The following MYH8 variants were observed in gnomAD, a reference collection of about 807,000 sequenced individuals.
The protein encoded by MYH8 is myosin heavy chain 8.
In MYH8, 168 loss-of-function variants were observed where a neutral mutation model predicts 233.2. That is an observed-to-expected ratio of 0.72 (90% CI 0.64 to 0.82). The LOEUF (loss-of-function observed/expected upper bound fraction) is 0.82. MYH8 is among the 40% of genes least tolerant of loss of function. MYH8 has a pLI of 0.00. For missense variants in MYH8, 1,995 were observed against 2,327.8 expected, an observed-to-expected ratio of 0.86 and a Z score of 2.94; for synonymous variants, 785 against 850.6, an observed-to-expected ratio of 0.92 and a Z score of 1.34.
rs190414832 is a variant in MYH8, at chr17:10,417,328, G to C, written c.511+1317C>G. ...TAAATCTGGATGTTATTTAGATGTAGATATAGACATAGACTTTAGAAAACT... is the reference window on the plus strand; with the variant it reads ...TAAATCTGGATGTTATTTAGATGTACATATAGACATAGACTTTAGAAAACT... On this transcript the variant is annotated intron_variant, in intron 5 of 39. Transcript: ENST00000403437. The surrounding 1 kb of genome is among the most constrained non-coding windows in gnomAD (Gnocchi z 4.1). Among the ~76,000 whole-genome samples the C allele has an allele frequency of 2.9e-4, 44 of 152,298 alleles. No individual in the cohort carries two copies. The highest frequency in any genetic ancestry group is 9.9e-4 in the African/African-American group (41 of 41,560).
At position 10,398,790 on chromosome 17, in the gene MYH8, T is replaced by C. The variant is rs1352458408; in HGVS notation, c.3959A>G (p.His1320Arg). ...CACTTTAGTTTCTTCCTCTAGTTGA[T>C]GTTTCAGCTCTTCAATCTGCTGAGT... ...ASTQQIEELK[H>R]QLEEETKAKN... Residue 1320 changes from histidine to arginine, a missense_variant, in exon 29 of 40, where the codon CAT (histidine) becomes CGT (arginine). His to Arg is a conservative substitution (Grantham distance 29). Coordinates refer to ENST00000403437, the MANE Select transcript of MYH8 (RefSeq NM_002472.3). 6.2e-7 allele frequency: 1 copy of C among 1,614,112 alleles called. No individual in the cohort carries two copies. The highest frequency in any genetic ancestry group is 8.5e-7 in the Non-Finnish European group (1 of 1,180,004).
chr17:10,414,772 G>T (rs534440686), intron 9 of MYH8, among the ~76,000 whole-genome samples: 2 of 152,266 alleles, frequency 1.3e-5, no homozygotes, highest in Admixed American at 6.5e-5. Context: ...TTCACTCTGG[G>T]TGGTGAGGGC....
At chr17:10,408,432 G>A (rs528505861) in intron 17 of MYH8, among the ~76,000 whole-genome samples, 16 of 152,130 alleles carry the variant, frequency 1.1e-4, no homozygotes, top group South Asian at 6.2e-4. Context: ...ATCATAGGTC[G>A]TATGTCGTGT....
Position 10,415,267 on chromosome 17 carries a change from T to C in MYH8, c.741+25A>G. 1 of 1,609,864 alleles carries C rather than the reference T, an allele frequency of 6.2e-7. No homozygotes were observed. Among genetic ancestry groups the C allele is most frequent in the Non-Finnish European group, 8.5e-7 (1 of 1,176,134 alleles). The stretch of plus-strand genomic sequence containing the variant: ...ATTCAGACGTGGCTACTCTGGAAGT[T>C]AGGGGTTGAGACCAAGAGACTCACA... On this transcript the variant is annotated intron_variant, in intron 8 of 39. Coordinates refer to ENST00000403437, the MANE Select transcript of MYH8 (RefSeq NM_002472.3). The surrounding 1 kb of genome is among the most constrained non-coding windows in gnomAD (Gnocchi z 4.1).
chr17:10,419,116 G>T lies in MYH8; in HGVS notation c.211-86C>A. On this transcript the variant is annotated intron_variant, in intron 3 of 39. Transcript: ENST00000403437. The surrounding 1 kb of genome is among the most constrained non-coding windows in gnomAD (Gnocchi z 4.0). ...TTTTTTGCCCAGGCTGGAGTGCAGT[G>T]GCGCGATCTCAGCTCACTGCAACCT... 6.6e-7 allele frequency: 1 copy of T among 1,506,388 alleles called. No homozygotes were observed. Among genetic ancestry groups the T allele is most frequent in the Non-Finnish European group, 9.2e-7 (1 of 1,092,756 alleles). The allele number at this position is 1,506,388 out of a possible 1,614,324, so 93.3% of individuals were successfully genotyped here.
intron 21 of MYH8, among the ~76,000 whole-genome samples, chr17:10,405,751 G>A (rs2072186824): frequency 6.6e-6 from 1 of 152,200 alleles, no homozygotes; most frequent in Admixed American, 6.5e-5. Context: ...TGATAGATGA[G>A]GTGGGGAATA....
At chr17:10,403,012 TG>T (rs1283123118) in intron 22 of MYH8, among the ~76,000 whole-genome samples, 4 of 152,188 alleles carry the variant, frequency 2.6e-5, no homozygotes, top group African/African-American at 9.7e-5. Flanking sequence ...TTTGTGTTTT[TG>T]TTTGCTTTTG....
intron 22 of MYH8, 123 bp downstream of exon 22, chr17:10,404,207 T>G: frequency 2.6e-6 from 3 of 1,162,802 alleles, no homozygotes; most frequent in Non-Finnish European, 3.7e-6. Context: ...AAAAGATAAA[T>G]GAGGTATTAA....
In MYH8 at chr17:10,412,458, A is replaced by T; in HGVS notation, c.1328T>A (p.Val443Asp). The stretch of plus-strand genomic sequence containing the variant: ...GTCCAGCTGCTGGTTGATGCGGGTG[A>T]CCATCCACAGGAACATCTTCTCGTA... The part of the protein sequence containing the change: ...AVYEKMFLWM[V>D]TRINQQLDTK... Residue 443 changes from valine (V) to aspartate (D), a missense_variant, in exon 14 of 40, where the codon GTC becomes GAC. This residue lies in a region of MYH8 where 479 missense variants were observed against 600.9 expected (regional missense o/e 0.80). Transcript: ENST00000403437. The T allele has an allele frequency of 6.2e-7, 1 of 1,614,242 alleles. No individual in the cohort carries two copies. The highest frequency in any genetic ancestry group is 8.5e-7 in the Non-Finnish European group (1 of 1,180,046).
In MYH8 at chr17:10,404,718, G is replaced by A. The variant is rs894087129; in HGVS notation, c.2433-133C>T. ...ATGTCACATTCTCTATATATTATAT[G>A]CAGGCTTTACACACACACACACACA... On this transcript the variant is annotated intron_variant, in intron 21 of 39. Coordinates refer to ENST00000403437, the MANE Select transcript of MYH8 (RefSeq NM_002472.3). The A allele has an allele frequency of 2.9e-5, 31 of 1,065,494 alleles. No individual in the cohort carries two copies. In the Admixed American group the frequency reaches 4.3e-4, roughly 15 times the overall value. 66.0% of individuals were successfully genotyped at this position (1,065,494 alleles called of 1,614,324 possible).
At chr17:10,412,311 T>C (rs936073365) in intron 14 of MYH8, 59 bp downstream of exon 14, 1 of 1,613,804 alleles carries the variant, frequency 6.2e-7, no homozygotes, top group African/African-American at 1.3e-5. Flanking sequence ...ATAATGATAA[T>C]ACCTAATATA....
chr17:10,391,531 C>A (rs1481271257), intron 39 of MYH8, among the ~76,000 whole-genome samples: 1 of 151,946 alleles, frequency 6.6e-6, no homozygotes, highest in South Asian at 2.1e-4. Context: ...AATACAAAAA[C>A]CAGCCAGGTG....
chr17:10,418,583 T>G (rs1597405991), intron 5 of MYH8, 62 bp downstream of exon 5: 1 of 1,611,624 alleles, frequency 6.2e-7, no homozygotes. Context: ...TCGGAAGAGG[T>G]CTGTCTGTTC....
At chr17:10,406,625 G>T in intron 19 of MYH8, 65 bp downstream of exon 19, 3 of 1,461,726 alleles carry the variant, frequency 2.1e-6, no homozygotes, top group South Asian at 1.1e-5. Flanking sequence ...TATATTATTC[G>T]ACTTCTTAAT....
At position 10,419,556 on chromosome 17, in the gene MYH8, T is replaced by G. The variant is rs2072318482; in HGVS notation, c.210+462A>C. 6.6e-6 allele frequency among the ~76,000 whole-genome samples: 1 copy of G among 152,194 alleles called. No homozygotes were observed. The highest frequency in any genetic ancestry group is 2.1e-4 in the South Asian group (1 of 4,830). ...CTAGGACACTATCTTTTTAAAAGAT[T>G]TTTTCCTCCCACATTCTCTTATCCC... On this transcript the variant is annotated intron_variant, in intron 3 of 39. Transcript: ENST00000403437. The surrounding 1 kb of genome is among the most constrained non-coding windows in gnomAD (Gnocchi z 4.0).
rs1449149762 is a variant in MYH8, at chr17:10,420,123, A to G, written c.105T>C (p.Asp35=). Residue 35 remains aspartate (D), a synonymous_variant, in exon 3 of 40, where the codon GAT becomes GAC. Coordinates refer to ENST00000403437, the MANE Select transcript of MYH8 (RefSeq NM_002472.3). ...CCGCCACAAAGACAGATGTTTTAGC[A>G]TCAAACGGCTTGTTTTGGGCCTCAA... ...ERIEAQNKPF[D]AKTSVFVAEP... 1.2e-6 allele frequency: 2 copies of G among 1,614,244 alleles called. No individual in the cohort carries two copies. The highest frequency in any genetic ancestry group is 1.1e-5 in the South Asian group (1 of 91,080).
Position 10,409,471 on chromosome 17 carries a change from G to C in MYH8, c.1705C>G (p.Pro569Ala), listed in dbSNP as rs747734458. Residue 569 changes from proline (P) to alanine (A), a missense_variant, in exon 16 of 40, where the codon CCC (proline) becomes GCC (alanine). Physicochemically the swap from Pro to Ala is conservative, Grantham distance 27. This residue lies in a region of MYH8 where 1,498 missense variants were observed against 1,680.9 expected (regional missense o/e 0.89). Transcript: ENST00000403437. The part of the protein sequence containing the change: ...HLGKSANFQK[P>A]KVVKGKAEAH... The stretch of plus-strand genomic sequence containing the variant: ...TCAGCCTTGCCTTTGACCACCTTGG[G>C]CTTCTGGAAGTTGGCAGACTTGCCC... The C allele has an allele frequency of 1.2e-6, 2 of 1,614,186 alleles. No homozygotes were observed. Among genetic ancestry groups the C allele is most frequent in the Admixed American group, 3.3e-5 (2 of 60,024 alleles).
chr17:10,404,491 G>C lies in MYH8; in HGVS notation c.2527C>G (p.Leu843Val). The C allele has an allele frequency of 6.2e-7, 1 of 1,613,982 alleles. No homozygotes were observed. ...MKLFFKIKPL[L>V]KSAETEKEMA... The stretch of plus-strand genomic sequence containing the variant: ...TCTTTCTCGGTCTCTGCACTCTTGA[G>C]GAGGGGCTTAATCTTGAAAAAGAGT... Residue 843 changes from leucine to valine, a missense_variant, in exon 22 of 40, where the codon CTC becomes GTC. This residue lies in a region of MYH8 where 1,498 missense variants were observed against 1,680.9 expected (regional missense o/e 0.89). Transcript: ENST00000403437.
Position 10,400,230 on chromosome 17 carries a change from C to G in MYH8, c.3735+160G>C, listed in dbSNP as rs905970629. 1.3e-5 allele frequency among the ~76,000 whole-genome samples: 2 copies of G among 151,984 alleles called. No homozygotes were observed. The highest frequency in any genetic ancestry group is 2.9e-5 in the Non-Finnish European group (2 of 67,988). ...CGCTCCAAAAAAAAATCATCTTAAT[C>G]GATCATAACCAGCATTTTAAAAAAT... On this transcript the variant is annotated intron_variant, in intron 27 of 39. Transcript: ENST00000403437. The surrounding 1 kb of genome is among the most constrained non-coding windows in gnomAD (Gnocchi z 4.0).
Sources: allele counts gnomAD v4.1 joint callset (sites outside exome capture counted in the v4.1 genomes callset), GRCh38; gene constraint gnomAD v4.1.1; regional missense constraint gnomAD v4.1.1; non-coding constraint Gnocchi (gnomAD v3.1); transcripts MANE v1.5; gene names NCBI Gene and HGNC (gene_info 2026-07-23, HGNC 2026-07-21).